Variants in PTPRT observed in about 807,000 individuals in gnomAD.
PTPRT encodes the protein protein tyrosine phosphatase receptor type T.
Under a neutral mutation model 176.8 loss-of-function variants are expected in PTPRT, and 56 were observed. The observed-to-expected ratio is 0.32, with a 90% confidence interval of 0.26 to 0.40. The LOEUF is 0.40. Among genes scored for constraint, PTPRT ranks in the 10% least tolerant of loss-of-function variants. The probability of loss-of-function intolerance (pLI) is 1.00; values close to 1 mark genes in which losing one functional copy is unlikely to be tolerated. For synonymous variants in PTPRT, 783 were observed against 739.0 expected (o/e 1.06, Z -0.96); for missense variants, 1,540 against 1,908.2 (o/e 0.81, Z 3.60).
At chr20:42,918,783 G>A (rs561931149) in intron 1 of PTPRT, among the ~76,000 whole-genome samples, 5 of 152,298 alleles carry the variant, frequency 3.3e-5, no homozygotes, top group Middle Eastern at 3.4e-3. Flanking sequence ...TTGCCCAGAT[G>A]AAAAGGACTG....
At chr20:43,188,464 G>C (rs189704250) in intron 1 of PTPRT, among the ~76,000 whole-genome samples, 42 of 152,272 alleles carry the variant, frequency 2.8e-4, no homozygotes, top group African/African-American at 1.0e-3. Context: ...CTCAGACGCA[G>C]CTTGTGCAAA....
At chr20:43,026,681 T>C (rs950623047) in intron 1 of PTPRT, among the ~76,000 whole-genome samples, 1 of 152,116 alleles carries the variant, frequency 6.6e-6, no homozygotes, top group Admixed American at 6.5e-5. Context: ...ACATAGTAGG[T>C]CTTATTCATT....
chr20:42,715,396 G>C (rs751068341), intron 6 of PTPRT, among the ~76,000 whole-genome samples: 1 of 152,132 alleles, frequency 6.6e-6, no homozygotes, highest in South Asian at 2.1e-4. Flanking sequence ...AAATATTTTT[G>C]AAAGATTTAA....
chr20:42,445,436 T>C (rs1568885477), intron 9 of PTPRT, among the ~76,000 whole-genome samples: 2 of 152,170 alleles, frequency 1.3e-5, no homozygotes, highest in Non-Finnish European at 2.9e-5. Context: ...AGCAAGTAAA[T>C]GTCAGAGCTG....
chr20:42,583,403 A>C (rs2073413312), intron 7 of PTPRT, among the ~76,000 whole-genome samples: 1 of 152,216 alleles, frequency 6.6e-6, no homozygotes, highest in African/African-American at 2.4e-5. Flanking sequence ...AGCTGCAGGA[A>C]AATTCTGTCT....
intron 2 of PTPRT, among the ~76,000 whole-genome samples, chr20:42,846,661 T>C (rs914163686): frequency 2.6e-5 from 4 of 152,332 alleles, no homozygotes; most frequent in South Asian, 4.1e-4. Context: ...AGCCCAGCTG[T>C]CTGGGGAATG....
At chr20:42,534,085 C>G (rs2072432774) in intron 7 of PTPRT, among the ~76,000 whole-genome samples, 1 of 152,300 alleles carries the variant, frequency 6.6e-6, no homozygotes, top group East Asian at 1.9e-4. Flanking sequence ...GCCAGACCCA[C>G]TTGGAAAACA....
At chr20:42,307,552 T>C (rs1272881134) in intron 12 of PTPRT, among the ~76,000 whole-genome samples, 1 of 152,122 alleles carries the variant, frequency 6.6e-6, no homozygotes, top group Non-Finnish European at 1.5e-5. Flanking sequence ...ATCTACAGCT[T>C]CTCATTCCAT....
intron 26 of PTPRT, among the ~76,000 whole-genome samples, chr20:42,098,840 A>G (rs1985565791): frequency 6.6e-6 from 1 of 152,258 alleles, no homozygotes; most frequent in Non-Finnish European, 1.5e-5. Flanking sequence ...TAATTACAAT[A>G]CGAAATGAAA....
rs185321972 is a variant in PTPRT, at chr20:42,356,604, G to C, written c.1561-4319C>G. ...CCAGCTACTCGGGAGGCTGAGGCAGGAGAATCACTTGAACCTGGGAGGTGG... is the reference window on the plus strand; with the variant it reads ...CCAGCTACTCGGGAGGCTGAGGCAGCAGAATCACTTGAACCTGGGAGGTGG... On this transcript the variant is annotated intron_variant, in intron 9 of 30. Coordinates refer to ENST00000373187, the MANE Select transcript of PTPRT (RefSeq NM_007050.6). Among the ~76,000 whole-genome samples, 56 of 152,310 alleles carry C rather than the reference G, an allele frequency of 3.7e-4. 1 individual carries two copies. Among genetic ancestry groups the C allele is most frequent in the African/African-American group, 1.2e-3 (48 of 41,562 alleles).
At chr20:43,082,602 T>C (rs990705044) in intron 1 of PTPRT, among the ~76,000 whole-genome samples, 25 of 152,078 alleles carry the variant, frequency 1.6e-4, no homozygotes, top group African/African-American at 5.8e-4. Context: ...CCTCCCCCTG[T>C]TTTTTCAGAC....
chr20:43,171,891 T>G (rs892493447), intron 1 of PTPRT, among the ~76,000 whole-genome samples: 1 of 152,116 alleles, frequency 6.6e-6, no homozygotes, highest in Non-Finnish European at 1.5e-5. Flanking sequence ...ACCCCTCTCC[T>G]CCTGCCATAC....
chr20:42,235,315 C>T (rs561598745), intron 15 of PTPRT, among the ~76,000 whole-genome samples: 66 of 151,728 alleles, frequency 4.3e-4, no homozygotes, highest in Non-Finnish European at 1.9e-4. Context: ...CAGGCTGGAG[C>T]GCAATGGTAC....
intron 11 of PTPRT, among the ~76,000 whole-genome samples, chr20:42,320,130 C>A (rs1192064568): frequency 6.6e-6 from 1 of 152,080 alleles, no homozygotes; most frequent in Non-Finnish European, 1.5e-5. Context: ...TTATACTGTG[C>A]CCCCAACTAA....
chr20:42,197,593 G>A (rs1047958425), intron 16 of PTPRT, among the ~76,000 whole-genome samples: 3 of 151,958 alleles, frequency 2.0e-5, no homozygotes, highest in Non-Finnish European at 4.4e-5. Flanking sequence ...TTAGATCACT[G>A]AAGTAAGGTT....
chr20:42,377,101 G>C (rs992385347), intron 9 of PTPRT, among the ~76,000 whole-genome samples: 3 of 152,178 alleles, frequency 2.0e-5, no homozygotes, highest in Non-Finnish European at 4.4e-5. Flanking sequence ...TTGGATAAAT[G>C]CCATTTTCAC....
In PTPRT at chr20:42,199,361, G is replaced by T; in HGVS notation, c.2370C>A (p.Thr790=). 6.2e-7 allele frequency: 1 copy of T among 1,613,954 alleles called. No individual in the cohort carries two copies. Among genetic ancestry groups the T allele is most frequent in the Middle Eastern group, 1.7e-4 (1 of 6,060 alleles). The part of the protein sequence containing the change: ...YLKLAKKQKE[T]QSGAQREMGP... Reference sequence around the variant, plus strand: ...CCATCTCCCTCTGGGCTCCACTCTGGGTCTCCTTCTGCTTCTTGGCCAGCT... The same window carrying T: ...CCATCTCCCTCTGGGCTCCACTCTGTGTCTCCTTCTGCTTCTTGGCCAGCT... The change falls in exon 16 of 31, where the codon ACC becomes ACA. Residue 790 remains threonine, a synonymous_variant. Coordinates refer to ENST00000373187, the MANE Select transcript of PTPRT (RefSeq NM_007050.6).
At chr20:42,233,205 C>G (rs192937098) in intron 15 of PTPRT, among the ~76,000 whole-genome samples, 1 of 152,292 alleles carries the variant, frequency 6.6e-6, no homozygotes, top group Non-Finnish European at 1.5e-5. Flanking sequence ...GAGGAAGGTT[C>G]CAAACATCCA....
intron 2 of PTPRT, among the ~76,000 whole-genome samples, chr20:42,833,821 G>A (rs2078134902): frequency 6.6e-6 from 1 of 152,118 alleles, no homozygotes; most frequent in South Asian, 2.1e-4. Flanking sequence ...CACGGAGCGG[G>A]GGGAAGAAAG....
Sources: gnomAD v4.1 joint callset for allele counts (sites outside exome capture counted in the v4.1 genomes callset) on GRCh38, gnomAD v4.1.1 for gene constraint, MANE v1.5 for transcripts, NCBI Gene and HGNC (gene_info 2026-07-23, HGNC 2026-07-21) for gene names.